Variants in TEAD1 observed in about 807,000 individuals in gnomAD.
TEAD1 encodes the protein transcriptional enhancer factor TEF-1.
TEAD1 carries 9 observed loss-of-function variants against 54.9 expected under a neutral mutation model. That is an observed-to-expected ratio of 0.16 (90% confidence interval 0.10 to 0.29). TEAD1 has a LOEUF of 0.29. TEAD1 is among the 10% of genes least tolerant of loss of function. The pLI is 1.00. For missense variants in TEAD1, 387 were observed against 535.9 expected, an observed-to-expected ratio of 0.72 and a Z score of 2.74; for synonymous variants, 200 against 187.8, an observed-to-expected ratio of 1.07 and a Z score of -0.53.
At chr11:12,742,832 C>A (rs1228261954) in intron 2 of TEAD1, among the ~76,000 whole-genome samples, 2 of 152,220 alleles carry the variant, frequency 1.3e-5, no homozygotes, top group African/African-American at 4.8e-5. Context: ...TTTCCTTAAA[C>A]TTTTGCCATC....
intron 5 of TEAD1, among the ~76,000 whole-genome samples, chr11:12,874,553 A>G (rs896851278): frequency 1.3e-5 from 2 of 152,202 alleles, no homozygotes; most frequent in African/African-American, 2.4e-5. Flanking sequence ...AACAATAACA[A>G]TTTGTAAGGC....
chr11:12,908,883 G>GTTTTTTTTTTTTT lies in TEAD1; in HGVS notation c.873+6771_873+6783dup, dbSNP rs60042137. ...TATGTCAGTATACTTCAAATTATCT[G>GTTTTTTTTTTTTT]TTTTTTTTTTTTTGAGACAGTGTTG... On this transcript the variant is annotated intron_variant, in intron 10 of 12. Transcript: ENST00000527636. Among the ~76,000 whole-genome samples, 78 of 99,656 alleles carry GTTTTTTTTTTTTT rather than the reference G, an allele frequency of 7.8e-4. 4 individuals are homozygous for GTTTTTTTTTTTTT. Among genetic ancestry groups the GTTTTTTTTTTTTT allele is most frequent in the African/African-American group, 2.5e-3 (77 of 31,374 alleles). The allele number at this position is 99,656 out of a possible 152,430, so 65.4% of individuals were successfully genotyped here. A position where few individuals can be genotyped will look rare whatever the true frequency, so the allele number is the denominator to read the frequency against.
At position 12,837,752 on chromosome 11, in the gene TEAD1, C is replaced by T. The variant is rs61024459; in HGVS notation, c.203-24498C>T. ...CTTCTCCTCCTCCTTCTTCTTCCTCCTCTTCCTCTTCTTCTTCCTTCTCTT... is the reference window on the plus strand; with the variant it reads ...CTTCTCCTCCTCCTTCTTCTTCCTCTTCTTCCTCTTCTTCTTCCTTCTCTT... On this transcript the variant is annotated intron_variant, in intron 3 of 12. Coordinates refer to ENST00000527636, the MANE Select transcript of TEAD1 (RefSeq NM_021961.6). Among the ~76,000 whole-genome samples, 606 of 132,210 alleles carry T rather than the reference C, an allele frequency of 4.6e-3. 7 individuals are homozygous for T. The highest frequency in any genetic ancestry group is 0.019 in the African/African-American group (559 of 29,146). 86.7% of individuals were successfully genotyped at this position (132,210 alleles called of 152,430 possible). A position where few individuals can be genotyped will look rare whatever the true frequency, so the allele number is the denominator to read the frequency against.
chr11:12,795,562 T>C (rs1383895490), intron 3 of TEAD1, among the ~76,000 whole-genome samples: 2 of 152,350 alleles, frequency 1.3e-5, no homozygotes, highest in East Asian at 3.9e-4. Flanking sequence ...CTTCTCTTTC[T>C]ACTAAACTTT....
intron 10 of TEAD1, among the ~76,000 whole-genome samples, chr11:12,923,442 G>A (rs1948849710): frequency 6.6e-6 from 1 of 152,162 alleles, no homozygotes; most frequent in African/African-American, 2.4e-5. Flanking sequence ...CTGGTGCTTA[G>A]TTCCGTGTGG....
intron 2 of TEAD1, among the ~76,000 whole-genome samples, chr11:12,689,176 A>C (rs1254042559): frequency 6.6e-6 from 1 of 151,956 alleles, no homozygotes; most frequent in Admixed American, 6.6e-5. Context: ...CTCTGCTCTT[A>C]TCACTTTAAG....
At position 12,721,089 on chromosome 11, in the gene TEAD1, T is replaced by G. The variant is rs559710377; in HGVS notation, c.-54-43090T>G. On this transcript the variant is annotated intron_variant, in intron 2 of 12. Transcript: ENST00000527636. ...TTAGTTAGACAGAAGAATGTGGTTC[T>G]GAGTCCAGACTCTCACTTACTGCCT... Among the ~76,000 whole-genome samples, 3 of 152,260 alleles carry G rather than the reference T, an allele frequency of 2.0e-5. No individual in the cohort carries two copies. The South Asian group carries it at 6.2e-4, about 31-fold the overall frequency.
chr11:12,848,427 C>T (rs1947200793), intron 3 of TEAD1, among the ~76,000 whole-genome samples: 1 of 152,080 alleles, frequency 6.6e-6, no homozygotes, highest in African/African-American at 2.4e-5. Flanking sequence ...CTGGATTCTG[C>T]CGCCATCTAA....
chr11:12,908,530 C>A (rs993607486), intron 10 of TEAD1, among the ~76,000 whole-genome samples: 1 of 152,154 alleles, frequency 6.6e-6, no homozygotes, highest in Non-Finnish European at 1.5e-5. Context: ...CTCCTGTGCT[C>A]TGTGGCCGCA....
intron 11 of TEAD1, among the ~76,000 whole-genome samples, chr11:12,926,124 T>C (rs1948899550): frequency 6.6e-6 from 1 of 152,204 alleles, no homozygotes; most frequent in Non-Finnish European, 1.5e-5. Context: ...CAGTTTTTAT[T>C]TGCAGTGGCC....
At chr11:12,687,266 C>T (rs1261906285) in intron 2 of TEAD1, among the ~76,000 whole-genome samples, 1 of 152,142 alleles carries the variant, frequency 6.6e-6, no homozygotes, top group Non-Finnish European at 1.5e-5. Context: ...GAAAACTTAT[C>T]TTATCATACC....
chr11:12,883,331 G>T (rs1282918467), intron 9 of TEAD1, among the ~76,000 whole-genome samples: 2 of 152,200 alleles, frequency 1.3e-5, no homozygotes, highest in African/African-American at 4.8e-5. Flanking sequence ...AGAGCAGGAG[G>T]TGTATTACTG....
chr11:12,800,075 G>T (rs1277679231), intron 3 of TEAD1, among the ~76,000 whole-genome samples: 5 of 152,206 alleles, frequency 3.3e-5, no homozygotes, highest in African/African-American at 1.2e-4. Context: ...CAGTAAGGGA[G>T]TTTTCTCAGG....
chr11:12,724,231 T>G (rs1027361624), intron 2 of TEAD1, among the ~76,000 whole-genome samples: 1 of 152,174 alleles, frequency 6.6e-6, no homozygotes, highest in African/African-American at 2.4e-5. Context: ...GCTCGTGGGC[T>G]CTCCGTAATG....
chr11:12,700,833 T>G (rs1943684716), intron 2 of TEAD1, among the ~76,000 whole-genome samples: 1 of 152,232 alleles, frequency 6.6e-6, no homozygotes, highest in South Asian at 2.1e-4. Context: ...TTTTGTAGAT[T>G]ATAAGTAGTT....
At chr11:12,830,309 G>A (rs1946746192) in intron 3 of TEAD1, among the ~76,000 whole-genome samples, 1 of 152,090 alleles carries the variant, frequency 6.6e-6, no homozygotes, top group African/African-American at 2.4e-5. Context: ...GCATCCCAGT[G>A]GACAGTGTTG....
chr11:12,808,269 C>T (rs1411492920), intron 3 of TEAD1, among the ~76,000 whole-genome samples: 2 of 151,928 alleles, frequency 1.3e-5, no homozygotes, highest in African/African-American at 2.4e-5. Context: ...CATAAAATAA[C>T]GCTTAGAATG....
intron 5 of TEAD1, among the ~76,000 whole-genome samples, chr11:12,877,124 T>C (rs919326484): frequency 6.6e-6 from 1 of 152,140 alleles, no homozygotes; most frequent in Non-Finnish European, 1.5e-5. Context: ...GAGCCCCAAG[T>C]CGAAGAACTG....
chr11:12,809,445 C>T (rs1203197225), intron 3 of TEAD1, among the ~76,000 whole-genome samples: 1 of 152,184 alleles, frequency 6.6e-6, no homozygotes, highest in Non-Finnish European at 1.5e-5. Flanking sequence ...GCCCCCATTT[C>T]TGAATCTGGA....
Sources: gnomAD v4.1 joint callset for allele counts (sites outside exome capture counted in the v4.1 genomes callset) on GRCh38, gnomAD v4.1.1 for gene constraint, MANE v1.5 for transcripts, NCBI Gene and HGNC (gene_info 2026-07-23, HGNC 2026-07-21) for gene names.